The following CDC37L1 variants were observed in gnomAD, a reference collection of about 807,000 sequenced individuals.
CDC37L1 encodes cell division cycle 37 like 1, HSP90 cochaperone.
CDC37L1 carries 32 observed loss-of-function variants against 45.9 expected under a neutral mutation model. The observed-to-expected ratio is 0.70, with a 90% CI of 0.53 to 0.94. The LOEUF (loss-of-function observed/expected upper bound fraction) is 0.94. CDC37L1 is among the 40% of genes least tolerant of loss of function. CDC37L1 has a pLI of 0.00. For synonymous variants in CDC37L1, 150 were observed against 133.0 expected (o/e 1.13, Z -0.88); for missense variants, 434 against 405.7 (o/e 1.07, Z -0.60).
chr9:4,693,296 C>T lies in CDC37L1; in HGVS notation c.509-3800C>T, dbSNP rs148161452. Among the ~76,000 whole-genome samples the T allele has an allele frequency of 5.9e-3, 879 of 148,770 alleles. 12 individuals carry two copies. Among genetic ancestry groups the T allele is most frequent in the African/African-American group, 0.02 (821 of 40,442 alleles). The stretch of plus-strand genomic sequence containing the variant: ...ATCTCTACAAAAAAAAAAAAAAATT[C>T]GTCAGGTGTGGAGGCTTATACCTGT... On this transcript the variant is annotated intron_variant, in intron 3 of 6. Coordinates refer to ENST00000381854, the MANE Select transcript of CDC37L1 (RefSeq NM_017913.4).
chr9:4,706,108 T>A lies in CDC37L1; in HGVS notation c.1010T>A (p.Val337Glu). The part of the protein sequence containing the change: ...EDDEPKMMDT[V>E] Reference sequence around the variant, plus strand: ...GATGAACCCAAAATGATGGACACTGTATAATTTGGTTAAGACTGCTGAGGC... The same window carrying A: ...GATGAACCCAAAATGATGGACACTGAATAATTTGGTTAAGACTGCTGAGGC... The change falls in exon 7 of 7, where the codon GTA (valine) becomes GAA (glutamate). Residue 337 changes from valine (V) to glutamate (E), a missense_variant. Coordinates refer to ENST00000381854, the MANE Select transcript of CDC37L1 (RefSeq NM_017913.4). 6.5e-7 allele frequency: 1 copy of A among 1,549,824 alleles called. No homozygotes were observed. Among genetic ancestry groups the A allele is most frequent in the Non-Finnish European group, 8.9e-7 (1 of 1,122,194 alleles).
At chr9:4,696,888 T>C (rs539581264) in intron 3 of CDC37L1, among the ~76,000 whole-genome samples, 1 of 152,226 alleles carries the variant, frequency 6.6e-6, no homozygotes, top group Non-Finnish European at 1.5e-5. Context: ...AGGAGCTATT[T>C]CCAGTCTACT....
chr9:4,682,358 G>T lies in CDC37L1; in HGVS notation c.132+2459G>T, dbSNP rs565830934. ...TTTTTTTTTTTTGAGATGGAGTCTC[G>T]CTGTGTCACCCAGGCTGGAGTGCAG... On this transcript the variant is annotated intron_variant, in intron 1 of 6. Coordinates refer to ENST00000381854, the MANE Select transcript of CDC37L1 (RefSeq NM_017913.4). Among the ~76,000 whole-genome samples, 3 of 84,398 alleles carry T rather than the reference G, an allele frequency of 3.6e-5. No individual in the cohort carries two copies. The East Asian group carries it at 1.1e-3, about 31-fold the overall frequency. 55.4% of individuals were successfully genotyped at this position (84,398 alleles called of 152,430 possible). A position where few individuals can be genotyped will look rare whatever the true frequency, so the allele number is the denominator to read the frequency against.
rs1263833060 is a variant in CDC37L1 at position 4,707,669 on chromosome 9, G to A, written c.*1557G>A. 1.3e-5 allele frequency: 2 copies of A among 151,494 alleles called. No individual in the cohort carries two copies. The highest frequency in any genetic ancestry group is 1.3e-4 in the Admixed American group (2 of 15,226). 9.4% of individuals were successfully genotyped at this position (151,494 alleles called of 1,614,324 possible). On this transcript the variant is annotated 3_prime_UTR_variant, in exon 7 of 7. Transcript: ENST00000381854. Reference sequence around the variant, plus strand: ...ATAAAATGTTTGACTAATTTATATAGTAGTGTTTGTCAGCCTGTACTTTTT... The same window carrying A: ...ATAAAATGTTTGACTAATTTATATAATAGTGTTTGTCAGCCTGTACTTTTT...
At chr9:4,688,231 C>T (rs965868142) in intron 2 of CDC37L1, among the ~76,000 whole-genome samples, 5 of 152,196 alleles carry the variant, frequency 3.3e-5, no homozygotes, top group Admixed American at 1.3e-4. Flanking sequence ...AACTCCTGAC[C>T]TCGTGATCCA....
chr9:4,684,487 C>G (rs1841228345), intron 1 of CDC37L1, among the ~76,000 whole-genome samples: 1 of 152,054 alleles, frequency 6.6e-6, no homozygotes, highest in South Asian at 2.1e-4. Context: ...ATTTGGAGAA[C>G]AAAATTATAA....
intron 6 of CDC37L1, chr9:4,703,130 C>G (rs1335536390): frequency 6.6e-7 from 1 of 1,519,318 alleles, no homozygotes; most frequent in Admixed American, 2.1e-5. Flanking sequence ...AATCTGTTGT[C>G]TACATTGTGA....
chr9:4,697,289 T>C, intron 4 of CDC37L1, 78 bp downstream of exon 4: 1 of 731,680 alleles, frequency 1.4e-6, no homozygotes. Context: ...TTTTGTTTTG[T>C]TTTCTACATT....
intron 5 of CDC37L1, among the ~76,000 whole-genome samples, chr9:4,701,334 G>A (rs928757795): frequency 1.3e-5 from 2 of 152,180 alleles, no homozygotes; most frequent in Admixed American, 1.3e-4. Context: ...AGAGCAAGAT[G>A]GTTCCATAAT....
intron 3 of CDC37L1, among the ~76,000 whole-genome samples, chr9:4,690,924 T>C (rs560284534): frequency 2.2e-4 from 34 of 152,374 alleles, no homozygotes; most frequent in African/African-American, 7.7e-4. Context: ...ATACCTGCAA[T>C]TTCTGCTTTA....
chr9:4,683,501 G>A (rs76578410), intron 1 of CDC37L1, among the ~76,000 whole-genome samples: 2 of 152,232 alleles, frequency 1.3e-5, no homozygotes, highest in South Asian at 4.1e-4. Context: ...TTGCCAAATT[G>A]AAGTGAGGGA....
chr9:4,684,773 T>C (rs1266904006), intron 1 of CDC37L1, 104 bp from the exon 2 acceptor site: 3 of 786,008 alleles, frequency 3.8e-6, no homozygotes, highest in Non-Finnish European at 6.1e-6. Context: ...ATATACTATA[T>C]ACCAAAATAT....
chr9:4,707,564 ATCT>A lies in CDC37L1; in HGVS notation c.*1459_*1461del, dbSNP rs1217945866. ...CCTAGAAATGGACTGGAATTATTGA[ATCT>A]TCTTCTGTAACATCACAATCTTCCT... is the stretch of plus-strand genomic sequence containing the variant. On this transcript the variant is annotated 3_prime_UTR_variant, in exon 7 of 7. Transcript: ENST00000381854. 1.3e-5 allele frequency: 2 copies of A among 152,202 alleles called. No homozygotes were observed. The highest frequency in any genetic ancestry group is 2.9e-5 in the Non-Finnish European group (2 of 68,038). 9.4% of individuals were successfully genotyped at this position (152,202 alleles called of 1,614,324 possible).
In CDC37L1 at chr9:4,697,103, G is replaced by A; in HGVS notation, c.516G>A (p.Leu172=). The change falls in exon 4 of 7, where the codon TTG becomes TTA. Residue 172 remains leucine (L), a synonymous_variant. Transcript: ENST00000381854. ...YEQKIRHFGM[L]SRWDDSQRFL... is the part of the protein sequence containing the mutation. ...CAATTCTTTTTTTTACAGGTATGTTGAGTCGATGGGATGATAGCCAGAGAT... is the reference window on the plus strand; with the variant it reads ...CAATTCTTTTTTTTACAGGTATGTTAAGTCGATGGGATGATAGCCAGAGAT... The A allele has an allele frequency of 4.8e-6, 7 of 1,460,170 alleles. No individual in the cohort carries two copies. Among genetic ancestry groups the A allele is most frequent in the Non-Finnish European group, 6.7e-6 (7 of 1,043,286 alleles). The allele number at this position is 1,460,170 out of a possible 1,614,324, so 90.5% of individuals were successfully genotyped here. A position where few individuals can be genotyped will look rare whatever the true frequency, so the allele number is the denominator to read the frequency against.
At chr9:4,683,094 T>A (rs970858660) in intron 1 of CDC37L1, among the ~76,000 whole-genome samples, 4 of 144,126 alleles carry the variant, frequency 2.8e-5, no homozygotes, top group African/African-American at 7.6e-5. Flanking sequence ...ATATATATAT[T>A]TTATTTTTAT....
chr9:4,702,977 C>T, intron 6 of CDC37L1: 1 of 1,035,800 alleles, frequency 9.7e-7, no homozygotes, highest in Non-Finnish European at 1.3e-6. Context: ...GACCACTGGT[C>T]TGCCTGATGC....
At chr9:4,685,411 A>G in intron 2 of CDC37L1, 1 of 325,272 alleles carries the variant, frequency 3.1e-6, no homozygotes, top group Non-Finnish European at 5.7e-6. Context: ...AACAAATATT[A>G]CATATATTAA....
rs540896730 is a variant in CDC37L1 at position 4,698,699 on chromosome 9, G to A, written c.747+820G>A. Among the ~76,000 whole-genome samples the A allele has an allele frequency of 5.3e-5, 8 of 152,192 alleles. No homozygotes were observed. The East Asian group carries it at 1.5e-3, about 29-fold the overall frequency. Reference sequence around the variant, plus strand: ...CTAGAGAGTAGATTCTCAAGGTGGGGTCCAGGAACCCGGAGGGGCTTCAAG... The same window carrying A: ...CTAGAGAGTAGATTCTCAAGGTGGGATCCAGGAACCCGGAGGGGCTTCAAG... On this transcript the variant is annotated intron_variant, in intron 5 of 6. Coordinates refer to ENST00000381854, the MANE Select transcript of CDC37L1 (RefSeq NM_017913.4).
At chr9:4,702,670 A>G (rs1841409854) in intron 6 of CDC37L1, among the ~76,000 whole-genome samples, 1 of 151,910 alleles carries the variant, frequency 6.6e-6, no homozygotes, top group Non-Finnish European at 1.5e-5. Flanking sequence ...TCACGAGGTC[A>G]GGAGATCGAG....
Sources: allele counts gnomAD v4.1 joint callset (sites outside exome capture counted in the v4.1 genomes callset), GRCh38; gene constraint gnomAD v4.1.1; transcripts MANE v1.5; gene names NCBI Gene and HGNC (gene_info 2026-07-23, HGNC 2026-07-21).